The following RABL3 variants were observed in gnomAD, a reference collection of about 807,000 sequenced individuals.
The protein encoded by RABL3 is rab-like protein 3.
Under a neutral mutation model 31.8 loss-of-function variants are expected in RABL3, and 31 were observed. That is an observed-to-expected ratio of 0.97 (90% CI 0.73 to 1.31). RABL3 has a LOEUF of 1.31. RABL3 is among the 40% of genes most tolerant of loss of function. The pLI, the probability that RABL3 is intolerant of heterozygous loss-of-function variation, is 0.00. For synonymous variants in RABL3, 97 were observed against 99.9 expected (o/e 0.97, Z 0.18); for missense variants, 263 against 279.6 (o/e 0.94, Z 0.42).
intron 5 of RABL3, among the ~76,000 whole-genome samples, chr3:120,695,019 T>C (rs574606960): frequency 3.3e-5 from 5 of 151,924 alleles, no homozygotes; most frequent in African/African-American, 1.2e-4. Context: ...TAGAGTACTT[T>C]GATTTTTACC....
At chr3:120,719,968 G>A (rs1027193069) in intron 2 of RABL3, among the ~76,000 whole-genome samples, 12 of 152,136 alleles carry the variant, frequency 7.9e-5, no homozygotes, top group South Asian at 2.1e-4. Context: ...ACACGGCCAG[G>A]TACTCCTCTG....
At chr3:120,730,233 T>A (rs1237938294) in intron 2 of RABL3, among the ~76,000 whole-genome samples, 1 of 152,188 alleles carries the variant, frequency 6.6e-6, no homozygotes, top group Non-Finnish European at 1.5e-5. Flanking sequence ...ACCAATGATA[T>A]CTGGGAAGAT....
chr3:120,719,701 G>T (rs1708713958), intron 2 of RABL3, among the ~76,000 whole-genome samples: 1 of 152,238 alleles, frequency 6.6e-6, no homozygotes, highest in African/African-American at 2.4e-5. Flanking sequence ...AAGCAGCCAG[G>T]AAGCTCGAAC....
At chr3:120,705,257 T>C (rs766844068) in intron 4 of RABL3, among the ~76,000 whole-genome samples, 3 of 152,158 alleles carry the variant, frequency 2.0e-5, no homozygotes, top group South Asian at 2.1e-4. Flanking sequence ...ATAGGTTCAA[T>C]GCAATTCTAA....
intron 1 of RABL3, among the ~76,000 whole-genome samples, chr3:120,734,579 T>G (rs1391038766): frequency 6.6e-6 from 1 of 152,184 alleles, no homozygotes. Flanking sequence ...TCCAACACTA[T>G]GTTGAATAGG....
chr3:120,705,389 C>G (rs997698513), intron 4 of RABL3, among the ~76,000 whole-genome samples: 1 of 152,170 alleles, frequency 6.6e-6, no homozygotes, highest in African/African-American at 2.4e-5. Context: ...AGGAATCATA[C>G]TGCTCAATTT....
rs141481421 is a variant in RABL3, at chr3:120,703,097, T to C, written c.383+2903A>G. 3.8e-4 allele frequency among the ~76,000 whole-genome samples: 58 copies of C among 152,308 alleles called. 1 individual carries two copies. The East Asian group carries it at 7.1e-3, about 19-fold the overall frequency. ...ACCCCATGAAGTAGTTCGTGAATGC[T>C]TGAGCTCATTGCCAAAGCTGTGCAT... On this transcript the variant is annotated intron_variant, in intron 4 of 7. Coordinates refer to ENST00000273375, the MANE Select transcript of RABL3 (RefSeq NM_173825.5).
intron 2 of RABL3, among the ~76,000 whole-genome samples, chr3:120,718,612 A>C (rs966831452): frequency 3.9e-5 from 6 of 152,258 alleles, no homozygotes; most frequent in Admixed American, 1.3e-4. Flanking sequence ...GGCACCAATC[A>C]ACTCTGAGTC....
chr3:120,742,299 C>A (rs1175888138), intron 1 of RABL3, among the ~76,000 whole-genome samples, 163 bp downstream of exon 1: 1 of 152,094 alleles, frequency 6.6e-6, no homozygotes, highest in Non-Finnish European at 1.5e-5. Context: ...GCCACCGCGT[C>A]GTCACACGGA....
chr3:120,703,497 C>A (rs1708516110), intron 4 of RABL3, among the ~76,000 whole-genome samples: 7 of 151,686 alleles, frequency 4.6e-5, no homozygotes, highest in Admixed American at 4.6e-4. Context: ...TGCAAGGTAT[C>A]CAGTAAGTAA....
At position 120,742,024 on chromosome 3, in the gene RABL3, CCAGTGCACGTTTCT is replaced by C. The variant is rs374090145; in HGVS notation, c.46+424_46+437del. On this transcript the variant is annotated intron_variant, in intron 1 of 7. Transcript: ENST00000273375. ...TGAGTTAATACATGCGAAGCGCTTG[CCAGTGCACGTTTCT>C]CAGTGCACGTTTCTCAGTGCACGTT... Among the ~76,000 whole-genome samples the C allele has an allele frequency of 4.1e-3, 619 of 152,276 alleles. 4 individuals carry two copies. Among genetic ancestry groups the C allele is most frequent in the African/African-American group, 8.8e-3 (365 of 41,552 alleles).
At chr3:120,741,197 C>T (rs112439149) in intron 1 of RABL3, among the ~76,000 whole-genome samples, 10 of 152,300 alleles carry the variant, frequency 6.6e-5, no homozygotes, top group African/African-American at 2.4e-4. Flanking sequence ...ATCTGTAAAA[C>T]TGAGTGATTT....
chr3:120,728,388 G>A (rs987882615), intron 2 of RABL3, among the ~76,000 whole-genome samples: 3 of 152,256 alleles, frequency 2.0e-5, no homozygotes, highest in Middle Eastern at 3.4e-3. Context: ...TTTCAGAAGC[G>A]AAGGGCAATT....
At chr3:120,702,026 G>A (rs888145140) in intron 4 of RABL3, among the ~76,000 whole-genome samples, 3 of 152,166 alleles carry the variant, frequency 2.0e-5, no homozygotes, top group African/African-American at 7.2e-5. Flanking sequence ...AAACCCAAAA[G>A]TGTGAACAGA....
At chr3:120,723,300 CAATT>C (rs1708771756) in intron 2 of RABL3, among the ~76,000 whole-genome samples, 1 of 152,036 alleles carries the variant, frequency 6.6e-6, no homozygotes, top group African/African-American at 2.4e-5. Context: ...ATTGGGGCAA[CAATT>C]AATAGCTTAC....
intron 2 of RABL3, among the ~76,000 whole-genome samples, chr3:120,724,840 A>T (rs1708797614): frequency 6.6e-6 from 1 of 152,154 alleles, no homozygotes; most frequent in East Asian, 1.9e-4. Flanking sequence ...CTAAAACCAT[A>T]AAAACCCTAG....
chr3:120,736,708 G>A (rs535578880), intron 1 of RABL3, among the ~76,000 whole-genome samples: 10 of 152,294 alleles, frequency 6.6e-5, no homozygotes, highest in East Asian at 5.8e-4. Flanking sequence ...TCCTTCAGGA[G>A]CTCTTTTAGG....
At chr3:120,696,498 G>A (rs1708438946) in intron 5 of RABL3, among the ~76,000 whole-genome samples, 1 of 151,610 alleles carries the variant, frequency 6.6e-6, no homozygotes, top group Non-Finnish European at 1.5e-5. Context: ...TGAACTCTTT[G>A]GAGACTGTAT....
chr3:120,741,142 A>G (rs957356064), intron 1 of RABL3, among the ~76,000 whole-genome samples: 1 of 152,202 alleles, frequency 6.6e-6, no homozygotes, highest in Non-Finnish European at 1.5e-5. Context: ...TGTAAATTCT[A>G]CTCAGTGATA....
Sources: allele counts gnomAD v4.1 joint callset (sites outside exome capture counted in the v4.1 genomes callset), GRCh38; gene constraint gnomAD v4.1.1; transcripts MANE v1.5; gene names NCBI Gene and HGNC (gene_info 2026-07-23, HGNC 2026-07-21).